The following ERBB4 variants were observed in gnomAD, a reference collection of about 807,000 sequenced individuals.
The protein encoded by ERBB4 is receptor tyrosine-protein kinase erbB-4.
Under a neutral mutation model 158.0 loss-of-function variants are expected in ERBB4, and 42 were observed. The ratio of observed to expected loss-of-function variants is 0.27; its 90% CI spans 0.21 to 0.34. The LOEUF is 0.34. Among genes scored for constraint, ERBB4 ranks in the 10% least tolerant of loss-of-function variants. The pLI is 1.00. For synonymous variants in ERBB4, 583 were observed against 558.7 expected (o/e 1.04, Z -0.61); for missense variants, 1,333 against 1,624.1 (o/e 0.82, Z 3.08).
chr2:211,994,130 T>C lies in ERBB4; in HGVS notation c.235-46514A>G, dbSNP rs1213955546. Among the ~76,000 whole-genome samples, 6 of 152,072 alleles carry C rather than the reference T, an allele frequency of 3.9e-5. No individual in the cohort carries two copies. The East Asian group carries it at 1.2e-3, about 29-fold the overall frequency. ...TATATGTCTATCTATCTACCTATCA[T>C]CTATCTATCTGTCTATCACAAGCAG... On this transcript the variant is annotated intron_variant, in intron 2 of 27. Coordinates refer to ENST00000342788, the MANE Select transcript of ERBB4 (RefSeq NM_005235.3).
intron 3 of ERBB4, among the ~76,000 whole-genome samples, chr2:211,861,657 C>T (rs1007477685): frequency 6.6e-6 from 1 of 151,942 alleles, no homozygotes; most frequent in African/African-American, 2.4e-5. Context: ...TGTTCACACA[C>T]GAAGTCTTGG....
intron 3 of ERBB4, among the ~76,000 whole-genome samples, chr2:211,931,256 T>A (rs1006772582): frequency 6.6e-6 from 1 of 152,142 alleles, no homozygotes; most frequent in Non-Finnish European, 1.5e-5. Flanking sequence ...AATTTATTTT[T>A]AAAAATGAAT....
chr2:212,013,025 A>T (rs2076426696), intron 2 of ERBB4, among the ~76,000 whole-genome samples: 1 of 150,290 alleles, frequency 6.7e-6, no homozygotes, highest in African/African-American at 2.4e-5. Flanking sequence ...TACTACAGGC[A>T]TGAGACACCA....
intron 1 of ERBB4, among the ~76,000 whole-genome samples, chr2:212,379,848 T>C (rs2090447246): frequency 6.6e-6 from 1 of 150,898 alleles, no homozygotes; most frequent in African/African-American, 2.4e-5. Flanking sequence ...TGTGTGTGCA[T>C]TTTCCATACT....
intron 2 of ERBB4, among the ~76,000 whole-genome samples, chr2:212,040,577 T>C (rs2077116807): frequency 6.6e-6 from 1 of 152,154 alleles, no homozygotes; most frequent in African/African-American, 2.4e-5. Context: ...TTTAGAGTAG[T>C]AGGGCATCAC....
intron 25 of ERBB4, among the ~76,000 whole-genome samples, chr2:211,416,859 C>T (rs928274183): frequency 1.3e-5 from 2 of 150,500 alleles, no homozygotes; most frequent in Admixed American, 6.6e-5. Context: ...CACTCCTCTG[C>T]GGGCCTTTAA....
chr2:211,515,197 G>C (rs549067918), intron 20 of ERBB4, among the ~76,000 whole-genome samples: 1 of 152,242 alleles, frequency 6.6e-6, no homozygotes, highest in African/African-American at 2.4e-5. Context: ...TAGCAGAGCT[G>C]AATCTGAAGG....
At chr2:212,133,272 A>T (rs1376157803) in intron 1 of ERBB4, among the ~76,000 whole-genome samples, 1 of 152,094 alleles carries the variant, frequency 6.6e-6, no homozygotes, top group African/African-American at 2.4e-5. Context: ...CTTATAGCCT[A>T]TAAGAACTTG....
intron 1 of ERBB4, among the ~76,000 whole-genome samples, chr2:212,146,203 G>A (rs1388326539): frequency 3.9e-5 from 6 of 152,164 alleles, no homozygotes; most frequent in Admixed American, 2.0e-4. Context: ...TAGTGTTTCA[G>A]TTATATGTTT....
At chr2:212,453,026 T>G (rs1158025538) in intron 1 of ERBB4, among the ~76,000 whole-genome samples, 1 of 152,176 alleles carries the variant, frequency 6.6e-6, no homozygotes, top group Non-Finnish European at 1.5e-5. Flanking sequence ...GTTCAAACTC[T>G]TGCTCTGACA....
At chr2:211,513,357 CA>C (rs61042785) in intron 20 of ERBB4, among the ~76,000 whole-genome samples, 2,091 of 39,108 alleles carry the variant, frequency 0.053, 18 homozygotes, top group African/African-American at 0.12. Flanking sequence ...GACTCCGTCT[CA>C]AAAAAAAAAA....
chr2:212,485,753 T>C (rs1689939325), intron 1 of ERBB4, among the ~76,000 whole-genome samples: 1 of 152,146 alleles, frequency 6.6e-6, no homozygotes, highest in Non-Finnish European at 1.5e-5. Context: ...GCCGGGAAGT[T>C]CAAGGTCAAG....
rs144184951 is a variant in ERBB4 at position 212,531,594 on chromosome 2, A to G, written c.82+6855T>C. ...ATTTCCTGGTTAAAGGTCTCCATCA[A>G]CTAACTGGTGATGAGGAACCCACTG... On this transcript the variant is annotated intron_variant, in intron 1 of 27. Coordinates refer to ENST00000342788, the MANE Select transcript of ERBB4 (RefSeq NM_005235.3). Among the ~76,000 whole-genome samples the G allele has an allele frequency of 4.0e-3, 603 of 152,314 alleles. 6 individuals are homozygous for G. The highest frequency in any genetic ancestry group is 0.014 in the African/African-American group (572 of 41,566).
Position 212,396,822 on chromosome 2 carries a change from C to T in ERBB4, c.82+141627G>A, listed in dbSNP as rs149336543. The stretch of plus-strand genomic sequence containing the variant: ...ATCTCTAATTGTGATTTTTACTCCT[C>T]AATCCACAGAGGAAGATAAAGTTTA... On this transcript the variant is annotated intron_variant, in intron 1 of 27. Transcript: ENST00000342788. Among the ~76,000 whole-genome samples the T allele has an allele frequency of 2.2e-4, 33 of 152,206 alleles. No homozygotes were observed. In the East Asian group the frequency reaches 5.8e-3, roughly 27 times the overall value.
chr2:211,524,425 G>C (rs1574668500), intron 20 of ERBB4, among the ~76,000 whole-genome samples: 1 of 151,038 alleles, frequency 6.6e-6, no homozygotes. Context: ...CCGTGGAGCA[G>C]GGGGTGGTGC....
chr2:211,571,554 C>T (rs1476357382), intron 19 of ERBB4, among the ~76,000 whole-genome samples: 1 of 152,130 alleles, frequency 6.6e-6, no homozygotes, highest in Non-Finnish European at 1.5e-5. Flanking sequence ...GTTGTCATTT[C>T]TGAGCAGAAA....
intron 19 of ERBB4, among the ~76,000 whole-genome samples, chr2:211,569,133 G>A (rs2067639163): frequency 6.6e-6 from 1 of 152,156 alleles, no homozygotes; most frequent in Non-Finnish European, 1.5e-5. Flanking sequence ...AAACTTTGAA[G>A]TCAGCACTTT....
intron 1 of ERBB4, among the ~76,000 whole-genome samples, chr2:212,139,637 T>C (rs914746791): frequency 6.6e-6 from 1 of 151,992 alleles, no homozygotes; most frequent in African/African-American, 2.4e-5. Context: ...TAGTTATTTT[T>C]AAATTAATGT....
chr2:212,102,088 T>TATA (rs2079099698), intron 2 of ERBB4, among the ~76,000 whole-genome samples: 2 of 25,496 alleles, frequency 7.8e-5, no homozygotes, highest in Non-Finnish European at 1.9e-4. Context: ...TGAAAATTTA[T>TATA]TTTATATATA....
Sources: gnomAD v4.1 joint callset for allele counts (sites outside exome capture counted in the v4.1 genomes callset) on GRCh38, gnomAD v4.1.1 for gene constraint, MANE v1.5 for transcripts, NCBI Gene and HGNC (gene_info 2026-07-23, HGNC 2026-07-21) for gene names.